Variants in RARB observed in about 807,000 individuals in gnomAD.
RARB encodes the protein retinoic acid receptor beta.
RARB carries 17 observed loss-of-function variants against 51.9 expected under a neutral mutation model. The ratio of observed to expected loss-of-function variants is 0.33; its 90% CI spans 0.22 to 0.49. RARB has a LOEUF of 0.49. RARB is among the 20% of genes least tolerant of loss of function. The pLI is 0.99. For synonymous variants in RARB, 215 were observed against 195.4 expected (o/e 1.10, Z -0.84); for missense variants, 369 against 550.8 (o/e 0.67, Z 3.30).
chr3:25,381,394 T>G (rs1236865794), intron 5 of RARB, among the ~76,000 whole-genome samples: 1 of 152,230 alleles, frequency 6.6e-6, no homozygotes. Context: ...CCAACCCTAG[T>G]GCACACTTTA....
chr3:25,202,303 C>T lies in RARB; in HGVS notation c.178+27728C>T, dbSNP rs180850798. Among the ~76,000 whole-genome samples, 230 of 151,836 alleles carry T rather than the reference C, an allele frequency of 1.5e-3. 2 individuals carry two copies. The highest frequency in any genetic ancestry group is 0.01 in the Middle Eastern group (3 of 294). On this transcript the variant is annotated intron_variant, in intron 5 of 11. Coordinates refer to the RARB transcript ENST00000383772. ...ATATCCCCTTTACCATTTTTCATTG[C>T]GTCTATTTGATTCTTCTCTCTTTTC...
At chr3:25,069,204 A>G (rs939955079) in intron 3 of RARB, among the ~76,000 whole-genome samples, 9 of 151,130 alleles carry the variant, frequency 6.0e-5, no homozygotes, top group African/African-American at 1.9e-4. Flanking sequence ...CAGGACTGTG[A>G]GAAAGATTTT....
intron 2 of RARB, among the ~76,000 whole-genome samples, chr3:25,470,004 G>C (rs991565935): frequency 6.6e-6 from 1 of 152,166 alleles, no homozygotes; most frequent in Non-Finnish European, 1.5e-5. Context: ...CAAGGTCTGC[G>C]TGTTCAGTTC....
intron 2 of RARB, among the ~76,000 whole-genome samples, chr3:24,953,133 TAA>T (rs1425367830): frequency 6.6e-6 from 1 of 152,124 alleles, no homozygotes; most frequent in Non-Finnish European, 1.5e-5. Context: ...TGCACGTAGA[TAA>T]AAGAGTTCAT....
chr3:25,504,546 G>A (rs1697474893), intron 3 of RARB, among the ~76,000 whole-genome samples: 1 of 152,136 alleles, frequency 6.6e-6, no homozygotes, highest in African/African-American at 2.4e-5. Flanking sequence ...TGTGGGTGGG[G>A]AGTGTGGAAG....
intron 2 of RARB, among the ~76,000 whole-genome samples, chr3:25,494,251 A>ACACACACACGCACGCGCGCGCGCGCG (rs1443411582): frequency 0.012 from 931 of 77,068 alleles, 4 homozygotes; most frequent in Non-Finnish European, 0.014. Context: ...GCTGTATCTT[A>ACACACACACGCACGCGCGCGCGCGCG]CGCACACACA....
At chr3:25,433,551 T>G (rs1708294218) in intron 1 of RARB, among the ~76,000 whole-genome samples, 2 of 152,190 alleles carry the variant, frequency 1.3e-5, no homozygotes, top group African/African-American at 4.8e-5. Flanking sequence ...AATTAAATTG[T>G]TATGAACAAA....
intron 5 of RARB, among the ~76,000 whole-genome samples, chr3:25,247,629 G>T (rs777139532): frequency 5.9e-5 from 9 of 152,156 alleles, no homozygotes; most frequent in Non-Finnish European, 1.3e-4. Flanking sequence ...CCCTGCTTCT[G>T]CTCATCCTCC....
intron 2 of RARB, among the ~76,000 whole-genome samples, chr3:25,028,564 AC>A (rs1288034150): frequency 2.0e-5 from 3 of 152,178 alleles, no homozygotes; most frequent in Admixed American, 1.3e-4. Flanking sequence ...TCTGATAAAA[AC>A]AGTTATAGGT....
chr3:25,321,869 TAAA>T (rs542980653), intron 5 of RARB, among the ~76,000 whole-genome samples: 2 of 143,640 alleles, frequency 1.4e-5, no homozygotes, highest in Non-Finnish European at 3.1e-5. Flanking sequence ...CTCTAAAATT[TAAA>T]AAAAAAAAAA....
intron 3 of RARB, among the ~76,000 whole-genome samples, chr3:25,546,671 G>T (rs543643561): frequency 6.6e-6 from 1 of 151,940 alleles, no homozygotes; most frequent in East Asian, 1.9e-4. Context: ...AGCAACATAG[G>T]GTCACTGCAG....
intron 2 of RARB, among the ~76,000 whole-genome samples, chr3:25,484,101 A>T (rs1696357572): frequency 6.6e-6 from 1 of 152,250 alleles, no homozygotes; most frequent in South Asian, 2.1e-4. Flanking sequence ...TTTAGAGTTA[A>T]ATACATTAAT....
chr3:25,161,945 G>A (rs1700479662), intron 4 of RARB, among the ~76,000 whole-genome samples: 1 of 152,204 alleles, frequency 6.6e-6, no homozygotes, highest in South Asian at 2.1e-4. Flanking sequence ...TAGACCCTGT[G>A]CCCAGGGTAC....
At chr3:25,402,006 C>T (rs534285521) in intron 5 of RARB, among the ~76,000 whole-genome samples, 1 of 152,066 alleles carries the variant, frequency 6.6e-6, no homozygotes, top group Admixed American at 6.6e-5. Flanking sequence ...AAACTCCTGA[C>T]CTCAAGTGAT....
chr3:24,859,188 C>T (rs973707995), intron 2 of RARB, among the ~76,000 whole-genome samples: 1 of 152,032 alleles, frequency 6.6e-6, no homozygotes, highest in Non-Finnish European at 1.5e-5. Flanking sequence ...AGTTTCTTGC[C>T]AGGAAGAGCG....
chr3:25,586,350 C>G lies in RARB; in HGVS notation c.786+5628C>G, dbSNP rs1426405234. ...GGTGCATTTCCCAAAAGCTTCTCCC[C>G]CAGTCTGTTGTCTCAGTGAGAGTAG... On this transcript the variant is annotated intron_variant, in intron 5 of 7. Coordinates refer to ENST00000330688, the MANE Select transcript of RARB (RefSeq NM_000965.5). 1.3e-5 allele frequency among the ~76,000 whole-genome samples: 2 copies of G among 152,168 alleles called. 1 individual carries two copies. The highest frequency in any genetic ancestry group is 3.9e-4 in the East Asian group (2 of 5,192).
chr3:25,448,622 C>T (rs1166224347), intron 1 of RARB, among the ~76,000 whole-genome samples: 1 of 152,100 alleles, frequency 6.6e-6, no homozygotes, highest in Non-Finnish European at 1.5e-5. Flanking sequence ...CATGCACCAC[C>T]ACACCCAGCT....
At chr3:25,292,978 G>T (rs1273750844) in intron 5 of RARB, among the ~76,000 whole-genome samples, 4 of 152,152 alleles carry the variant, frequency 2.6e-5, no homozygotes, top group Admixed American at 6.6e-5. Context: ...GAGCCAAAAA[G>T]ATCCTAGACA....
chr3:25,444,230 C>T (rs12636426), intron 1 of RARB, among the ~76,000 whole-genome samples: 1 of 152,060 alleles, frequency 6.6e-6, no homozygotes, highest in Non-Finnish European at 1.5e-5. Flanking sequence ...TTGAATCTCC[C>T]GAGTAGGAGA....
Sources: gnomAD v4.1 joint callset for allele counts (sites outside exome capture counted in the v4.1 genomes callset) on GRCh38, gnomAD v4.1.1 for gene constraint, MANE v1.5 for transcripts, NCBI Gene and HGNC (gene_info 2026-07-23, HGNC 2026-07-21) for gene names.